PI4KA: variants seen among roughly 807,000 people sequenced by gnomAD.
PI4KA encodes the protein PI4-kinase alpha.
Under a neutral mutation model 271.4 loss-of-function variants are expected in PI4KA, and 122 were observed. The observed-to-expected ratio is 0.45, with a 90% CI of 0.39 to 0.52. The LOEUF is 0.52. PI4KA is among the 20% of genes least tolerant of loss of function. PI4KA has a pLI of 0.00. For synonymous variants in PI4KA, 1,041 were observed against 1,078.8 expected (o/e 0.96, Z 0.69); for missense variants, 1,969 against 2,769.1 (o/e 0.71, Z 6.48).
chr22:20,855,461 A>G (rs1428971813), intron 1 of PI4KA, among the ~76,000 whole-genome samples: 1 of 152,186 alleles, frequency 6.6e-6, no homozygotes, highest in African/African-American at 2.4e-5. Context: ...AGCCTCCTCT[A>G]TGAAATAAGG....
At chr22:20,786,244 T>G in intron 19 of PI4KA, 1 of 1,342,046 alleles carries the variant, frequency 7.5e-7, no homozygotes, top group African/African-American at 1.4e-5. Flanking sequence ...CCCAATCTCA[T>G]GTCCCAGCTT....
At chr22:20,710,666 T>A in intron 52 of PI4KA, 33 bp downstream of exon 52, 1 of 1,612,690 alleles carries the variant, frequency 6.2e-7, no homozygotes, top group Non-Finnish European at 8.5e-7. Flanking sequence ...ACACACCCCC[T>A]CCGCCTCCAC....
intron 19 of PI4KA, chr22:20,786,047 T>A (rs900371210): frequency 6.2e-7 from 1 of 1,614,144 alleles, no homozygotes; most frequent in East Asian, 2.2e-5. Context: ...GGAGAAGAAC[T>A]ACAATCTAGT....
intron 23 of PI4KA, among the ~76,000 whole-genome samples, chr22:20,754,473 T>C (rs1210019822): frequency 6.6e-6 from 1 of 152,196 alleles, no homozygotes. Flanking sequence ...GAAGGAAATT[T>C]GTGAATGAGA....
Position 20,802,116 on chromosome 22 carries a change from A to G in PI4KA, c.1592-11T>C. On this transcript the variant is annotated splice_polypyrimidine_tract_variant and intron_variant, in intron 13 of 54. Coordinates refer to ENST00000255882, the MANE Select transcript of PI4KA (RefSeq NM_058004.4). ...TATCATTGCCAGCAACTGAAAGTAAAAAATTCAAATATATACCTAGTTAGG... is the reference window on the plus strand; with the variant it reads ...TATCATTGCCAGCAACTGAAAGTAAGAAATTCAAATATATACCTAGTTAGG... 1 of 1,613,208 alleles carries G rather than the reference A, an allele frequency of 6.2e-7. No homozygotes were observed. Among genetic ancestry groups the G allele is most frequent in the East Asian group, 2.2e-5 (1 of 44,862 alleles).
intron 23 of PI4KA, among the ~76,000 whole-genome samples, chr22:20,756,527 A>G (rs922718007): frequency 5.3e-5 from 8 of 152,012 alleles, no homozygotes; most frequent in Non-Finnish European, 1.0e-4. Context: ...GCCTAGTATA[A>G]TAGTTTTTTC....
Position 20,802,518 on chromosome 22 carries a change from C to T in PI4KA, c.1592-413G>A, listed in dbSNP as rs543226680. Among the ~76,000 whole-genome samples, 297 of 152,218 alleles carry T rather than the reference C, an allele frequency of 2.0e-3. 3 individuals carry two copies. The highest frequency in any genetic ancestry group is 2.7e-3 in the Non-Finnish European group (185 of 68,024). ...GAGCCTGAGAGAACCCTCCCCACTA[C>T]GGGGTTCAGGGAAGTCTTGTTTTTT... On this transcript the variant is annotated intron_variant, in intron 13 of 54. Transcript: ENST00000255882.
At chr22:20,781,690 A>G (rs1305409996) in intron 19 of PI4KA, among the ~76,000 whole-genome samples, 2 of 152,238 alleles carry the variant, frequency 1.3e-5, no homozygotes, top group African/African-American at 4.8e-5. Context: ...GCTGAGTTCT[A>G]ACAGGCTTGC....
chr22:20,760,751 C>G (rs1205484927), intron 23 of PI4KA, among the ~76,000 whole-genome samples: 1 of 152,188 alleles, frequency 6.6e-6, no homozygotes, highest in Non-Finnish European at 1.5e-5. Context: ...ACAGTTTCCA[C>G]CATTTCTCTG....
At chr22:20,766,402 G>A (rs528085882) in intron 19 of PI4KA, among the ~76,000 whole-genome samples, 2 of 151,598 alleles carry the variant, frequency 1.3e-5, no homozygotes, top group South Asian at 4.2e-4. Context: ...GGTGGCTCAC[G>A]CCTGTAATCC....
chr22:20,770,944 C>G (rs1932846504), intron 19 of PI4KA, among the ~76,000 whole-genome samples: 1 of 152,110 alleles, frequency 6.6e-6, no homozygotes, highest in Non-Finnish European at 1.5e-5. Context: ...CTTTGGGAGG[C>G]CAAGGTGGGA....
chr22:20,831,839 G>A (rs1381785260), intron 3 of PI4KA, among the ~76,000 whole-genome samples: 1 of 152,032 alleles, frequency 6.6e-6, no homozygotes, highest in Non-Finnish European at 1.5e-5. Flanking sequence ...GGGGTTCTCT[G>A]CATTTCCTGA....
intron 3 of PI4KA, among the ~76,000 whole-genome samples, chr22:20,827,136 A>G (rs2147729735): frequency 1.3e-5 from 2 of 152,300 alleles, no homozygotes; most frequent in East Asian, 3.9e-4. Context: ...GCCAGGGTCT[A>G]TGTCCAGAGT....
At chr22:20,738,182 T>C (rs1330378408) in intron 32 of PI4KA, among the ~76,000 whole-genome samples, 1 of 150,476 alleles carries the variant, frequency 6.6e-6, no homozygotes, top group Non-Finnish European at 1.5e-5. Flanking sequence ...CACACAGGAG[T>C]GAGCGTGGCT....
chr22:20,732,547 C>T (rs1327834812), intron 36 of PI4KA, among the ~76,000 whole-genome samples: 4 of 152,246 alleles, frequency 2.6e-5, no homozygotes, highest in African/African-American at 9.6e-5. Flanking sequence ...GGCCAAGTGC[C>T]TGTCCCCGAG....
chr22:20,831,877 T>A (rs964121388), intron 3 of PI4KA, among the ~76,000 whole-genome samples: 27 of 152,162 alleles, frequency 1.8e-4, no homozygotes, highest in African/African-American at 6.3e-4. Context: ...TCTAGTGAGA[T>A]TGGGAAAATA....
In PI4KA at chr22:20,720,047, AAAAAC is replaced by A. The variant is rs1472802069; in HGVS notation, c.5117-1230_5117-1226del. Among the ~76,000 whole-genome samples the A allele has an allele frequency of 7.0e-4, 104 of 149,432 alleles. 2 individuals are homozygous for A. Among genetic ancestry groups the A allele is most frequent in the Admixed American group, 1.3e-3 (19 of 14,820 alleles). ...TCTCAAAAAAAAAAAAAAAAAAAAA[AAAAAC>A]CCTTTCTGGTAAGACTGGCAGATGT... On this transcript the variant is annotated intron_variant, in intron 43 of 54. Transcript: ENST00000255882.
At chr22:20,724,902 A>C (rs1475701360) in intron 42 of PI4KA, among the ~76,000 whole-genome samples, 1 of 152,252 alleles carries the variant, frequency 6.6e-6, no homozygotes. Context: ...GCTGAAGAGA[A>C]GGTGCCTCAT....
rs117077073 is a variant in PI4KA at position 20,728,124 on chromosome 22, C to T, written c.4683-260G>A. The stretch of plus-strand genomic sequence containing the variant: ...GAGTGTAACTGGATTGTTTGTAACT[C>T]CAAGGACAAATGCTTGAGGGGATGG... On this transcript the variant is annotated intron_variant, in intron 39 of 54. Coordinates refer to ENST00000255882, the MANE Select transcript of PI4KA (RefSeq NM_058004.4). 5.9e-3 allele frequency among the ~76,000 whole-genome samples: 892 copies of T among 152,162 alleles called. 8 individuals carry two copies. Among genetic ancestry groups the T allele is most frequent in the East Asian group, 0.055 (284 of 5,178 alleles).
Sources: gnomAD v4.1 joint callset for allele counts (sites outside exome capture counted in the v4.1 genomes callset) on GRCh38, gnomAD v4.1.1 for gene constraint, MANE v1.5 for transcripts, NCBI Gene and HGNC (gene_info 2026-07-23, HGNC 2026-07-21) for gene names.